CPXM2: variants seen among roughly 807,000 people sequenced by gnomAD.
CPXM2 encodes the protein carboxypeptidase X, M14 family member 2, also known as inactive carboxypeptidase-like protein X2.
Under a neutral mutation model 86.1 loss-of-function variants are expected in CPXM2, and 66 were observed. The observed-to-expected ratio is 0.77, with a 90% CI of 0.63 to 0.94. The LOEUF is 0.94. Among genes scored for constraint, CPXM2 ranks in the 40% least tolerant of loss-of-function variants. The pLI is 0.00. For synonymous variants in CPXM2, 388 were observed against 400.2 expected (o/e 0.97, Z 0.36); for missense variants, 948 against 1,026.3 (o/e 0.92, Z 1.04).
chr10:123,778,640 C>G (rs1228718033), intron 7 of CPXM2, among the ~76,000 whole-genome samples: 1 of 152,218 alleles, frequency 6.6e-6, no homozygotes, highest in Non-Finnish European at 1.5e-5. Context: ...AGTCTCTGTG[C>G]AATTCACTCA....
intron 6 of CPXM2, among the ~76,000 whole-genome samples, chr10:123,793,434 G>A (rs960753822): frequency 9.9e-5 from 13 of 130,790 alleles, no homozygotes; most frequent in African/African-American, 3.7e-4. Context: ...CTGCACTCCA[G>A]CCTGGGCGAC....
rs374617815 is a variant in CPXM2 at position 123,884,440 on chromosome 10, C to A, written c.305-4131G>T. On this transcript the variant is annotated intron_variant, in intron 1 of 13. Transcript: ENST00000241305. ...CTGTGCGATGTTGGCAGGGAAAGGG[C>A]CATGACACAGGGAGGAATCACCTGC... Among the ~76,000 whole-genome samples, 45 of 152,294 alleles carry A rather than the reference C, an allele frequency of 3.0e-4. No individual in the cohort carries two copies. The South Asian group carries it at 8.7e-3, about 29-fold the overall frequency.
intron 2 of CPXM2, among the ~76,000 whole-genome samples, chr10:123,928,384 T>C (rs530946163): frequency 6.6e-6 from 1 of 152,340 alleles, no homozygotes; most frequent in Non-Finnish European, 1.5e-5. Context: ...TTGGTGAATT[T>C]TATTCTATGT....
intron 3 of CPXM2, among the ~76,000 whole-genome samples, chr10:123,859,285 T>C (rs1848804466): frequency 6.6e-6 from 1 of 152,260 alleles, no homozygotes; most frequent in Admixed American, 6.5e-5. Context: ...TTTCAAACCG[T>C]TCTGTGTGGG....
chr10:123,869,648 T>C (rs186284741), intron 2 of CPXM2, among the ~76,000 whole-genome samples: 47 of 152,302 alleles, frequency 3.1e-4, no homozygotes, highest in African/African-American at 1.1e-3. Flanking sequence ...GAGGCGAGCA[T>C]GGCGTCCTCT....
At chr10:123,809,066 G>A (rs1164219624) in intron 4 of CPXM2, among the ~76,000 whole-genome samples, 1 of 152,048 alleles carries the variant, frequency 6.6e-6, no homozygotes, top group Non-Finnish European at 1.5e-5. Context: ...TGCTCAGGAC[G>A]TGAATCACCC....
chr10:123,928,070 G>C (rs543283129), intron 2 of CPXM2, among the ~76,000 whole-genome samples: 17 of 152,238 alleles, frequency 1.1e-4, no homozygotes, highest in Middle Eastern at 3.4e-3. Flanking sequence ...CTCCTGGCTG[G>C]GGCACCCACT....
chr10:123,808,298 A>T (rs924480989), intron 4 of CPXM2, among the ~76,000 whole-genome samples: 2 of 152,176 alleles, frequency 1.3e-5, no homozygotes, highest in Admixed American at 1.3e-4. Context: ...ATCAAAACAA[A>T]TGCTTAAAAC....
chr10:123,847,132 T>A (rs1266988715), intron 3 of CPXM2, among the ~76,000 whole-genome samples: 1 of 152,088 alleles, frequency 6.6e-6, no homozygotes, highest in Non-Finnish European at 1.5e-5. Context: ...AAAGGGGTGA[T>A]AAAAATGGGT....
intron 13 of CPXM2, chr10:123,752,630 T>A (rs1394834819): frequency 1.0e-6 from 1 of 985,000 alleles, no homozygotes; most frequent in Non-Finnish European, 1.2e-6. Flanking sequence ...CACGACAGGA[T>A]CATGGGAACA....
intron 4 of CPXM2, among the ~76,000 whole-genome samples, chr10:123,822,591 T>C (rs1847951417): frequency 6.6e-6 from 1 of 152,108 alleles, no homozygotes; most frequent in African/African-American, 2.4e-5. Flanking sequence ...GAGGTGATAT[T>C]TGAGCTAAAG....
chr10:123,771,058 CA>C lies in CPXM2; in HGVS notation c.979-20del. ...TCATCAACTGAAAAACAAGGTGAAT[CA>C]AAAACTCTAAGCATTGATGACGATG... On this transcript the variant is annotated intron_variant, in intron 7 of 13. Coordinates refer to ENST00000241305, the MANE Select transcript of CPXM2 (RefSeq NM_198148.3). The C allele has an allele frequency of 6.2e-7, 1 of 1,609,778 alleles. No individual in the cohort carries two copies. Among genetic ancestry groups the C allele is most frequent in the Non-Finnish European group, 8.5e-7 (1 of 1,177,708 alleles).
chr10:123,907,253 A>G (rs1945450997), intron 2 of CPXM2, among the ~76,000 whole-genome samples: 1 of 152,204 alleles, frequency 6.6e-6, no homozygotes, highest in Non-Finnish European at 1.5e-5. Flanking sequence ...TCAACTCACA[A>G]AGACTATTTT....
In CPXM2 at chr10:123,873,091, G is replaced by C. The variant is rs1280430256; in HGVS notation, c.403+7120C>G. On this transcript the variant is annotated intron_variant, in intron 2 of 13. Transcript: ENST00000241305. ...ACACAGTAAAGGAAAATAAATAAAGGTATAAGAATTGAAAAGGAGAAAACA... is the reference window on the plus strand; with the variant it reads ...ACACAGTAAAGGAAAATAAATAAAGCTATAAGAATTGAAAAGGAGAAAACA... 2.0e-5 allele frequency among the ~76,000 whole-genome samples: 3 copies of C among 151,936 alleles called. No homozygotes were observed. The East Asian group carries it at 5.8e-4, about 29-fold the overall frequency.
chr10:123,842,314 C>T (rs1339477213), intron 4 of CPXM2, 35 bp downstream of exon 4: 1 of 1,612,160 alleles, frequency 6.2e-7, no homozygotes, highest in East Asian at 2.2e-5. Flanking sequence ...AGACCCAAAA[C>T]AGGGTCCAGA....
At chr10:123,927,368 A>G (rs1945632129) in intron 2 of CPXM2, among the ~76,000 whole-genome samples, 1 of 152,224 alleles carries the variant, frequency 6.6e-6, no homozygotes, top group Admixed American at 6.5e-5. Flanking sequence ...TGTTGAGTTG[A>G]TGTGAGAATC....
rs1355933407 is a variant in CPXM2 at position 123,746,269 on chromosome 10, C to T, written c.*495G>A. The T allele has an allele frequency of 1.2e-5, 2 of 160,282 alleles. No homozygotes were observed. The highest frequency in any genetic ancestry group is 2.7e-5 in the Non-Finnish European group (2 of 73,390). 9.9% of individuals were successfully genotyped at this position (160,282 alleles called of 1,614,324 possible). A position where few individuals can be genotyped will look rare whatever the true frequency, so the allele number is the denominator to read the frequency against. ...CACAGAATTTATTTGTAGCAGCTTG[C>T]AATGTCCCAGGGCCAGAGAGGGTGG... is the stretch of plus-strand genomic sequence containing the variant. On this transcript the variant is annotated 3_prime_UTR_variant, in exon 14 of 14. Transcript: ENST00000241305.
Position 123,784,348 on chromosome 10 carries a change from C to T in CPXM2, c.890-4093G>A, listed in dbSNP as rs147318146. Among the ~76,000 whole-genome samples, 220 of 152,288 alleles carry T rather than the reference C, an allele frequency of 1.4e-3. 1 individual carries two copies. Among genetic ancestry groups the T allele is most frequent in the African/African-American group, 5.0e-3 (207 of 41,564 alleles). ...ACCAGCCCTGTTGACACCTTGCTCT[C>T]GGCTTCTGGCCTCCAGAACTGTGGC... On this transcript the variant is annotated intron_variant, in intron 6 of 13. Transcript: ENST00000241305.
intron 3 of CPXM2, among the ~76,000 whole-genome samples, chr10:123,856,158 G>A (rs1174423060): frequency 6.6e-6 from 1 of 152,188 alleles, no homozygotes; most frequent in Non-Finnish European, 1.5e-5. Context: ...AGGGATGTAA[G>A]TCGGTCCCCA....
Sources: gnomAD v4.1 joint callset for allele counts (sites outside exome capture counted in the v4.1 genomes callset) on GRCh38, gnomAD v4.1.1 for gene constraint, MANE v1.5 for transcripts, NCBI Gene and HGNC (gene_info 2026-07-23, HGNC 2026-07-21) for gene names.